The following AUH variants were observed in gnomAD, a reference collection of about 807,000 sequenced individuals.
AUH encodes the protein AU RNA binding methylglutaconyl-CoA hydratase, also known as methylglutaconyl-CoA hydratase, mitochondrial.
AUH carries 29 observed loss-of-function variants against 42.3 expected under a neutral mutation model. The ratio of observed to expected loss-of-function variants is 0.69; its 90% confidence interval spans 0.51 to 0.93. The LOEUF (loss-of-function observed/expected upper bound fraction) is 0.93. Among genes scored for constraint, AUH ranks in the 40% least tolerant of loss-of-function variants. AUH has a pLI of 0.00. For missense variants in AUH, 452 were observed against 438.1 expected (o/e 1.03, Z -0.28); for synonymous variants, 174 against 166.4 (o/e 1.05, Z -0.35).
chr9:91,261,388 T>A (rs1441097918), intron 6 of AUH, among the ~76,000 whole-genome samples: 1 of 152,212 alleles, frequency 6.6e-6, no homozygotes, highest in East Asian at 1.9e-4. Context: ...GGTTTCTACT[T>A]TCTTCAGGGT....
At chr9:91,220,565 G>A (rs1827072102) in intron 7 of AUH, among the ~76,000 whole-genome samples, 1 of 152,118 alleles carries the variant, frequency 6.6e-6, no homozygotes. Flanking sequence ...ATTGTCAAGG[G>A]ATATTTTATC....
At position 91,313,870 on chromosome 9, in the gene AUH, T is replaced by C. The variant is rs1828927778; in HGVS notation, c.505+11448A>G. Among the ~76,000 whole-genome samples, 3 of 149,444 alleles carry C rather than the reference T, an allele frequency of 2.0e-5. 1 individual carries two copies. The highest frequency in any genetic ancestry group is 2.0e-4 in the Admixed American group (3 of 15,044). On this transcript the variant is annotated intron_variant, in intron 4 of 9. Transcript: ENST00000375731. ...CGAGTTTCACTCTTGTCGCCCAGGCTGGAGTGCAAATGGCACGATCTCGGC... is the reference window on the plus strand; with the variant it reads ...CGAGTTTCACTCTTGTCGCCCAGGCCGGAGTGCAAATGGCACGATCTCGGC...
intron 3 of AUH, among the ~76,000 whole-genome samples, chr9:91,344,159 T>C (rs565685048): frequency 3.3e-5 from 5 of 152,308 alleles, no homozygotes; most frequent in African/African-American, 1.2e-4. Flanking sequence ...TACAATCTAT[T>C]TTCTCTGAAG....
chr9:91,318,666 G>C (rs1829342326), intron 4 of AUH, among the ~76,000 whole-genome samples: 1 of 152,238 alleles, frequency 6.6e-6, no homozygotes, highest in South Asian at 2.1e-4. Flanking sequence ...GACTGCGACT[G>C]ATTTGGCATG....
chr9:91,351,787 G>A (rs1341549873), intron 3 of AUH, among the ~76,000 whole-genome samples: 10 of 152,160 alleles, frequency 6.6e-5, no homozygotes, highest in African/African-American at 2.4e-5. Flanking sequence ...TCAGGCCAAG[G>A]TGGCCTGATG....
chr9:91,361,794 C>T lies in AUH; in HGVS notation c.96G>A (p.Pro32=), dbSNP rs752864812. 4.0e-5 allele frequency: 62 copies of T among 1,538,806 alleles called. No homozygotes were observed. Among genetic ancestry groups the T allele is most frequent in the Non-Finnish European group, 5.3e-5 (61 of 1,144,886 alleles). The change falls in exon 1 of 10, where the codon CCG becomes CCA. Residue 32 remains proline (P), a synonymous_variant. Transcript: ENST00000375731. ...CCAACGAGCCGGGCAGCCTCAACCC[C>T]GGGCAGAGCCACGCACTGCAAGCGG... ...LVAACSAWLC[P]GLRLPGSLAG... is the part of the protein sequence containing the mutation.
chr9:91,224,632 G>A (rs748570728), intron 6 of AUH, among the ~76,000 whole-genome samples: 3 of 152,210 alleles, frequency 2.0e-5, no homozygotes, highest in African/African-American at 4.8e-5. Flanking sequence ...TTTGCATAGG[G>A]TATAAAGTAT....
At chr9:91,327,255 G>A (rs111938492) in intron 3 of AUH, among the ~76,000 whole-genome samples, 41 of 152,230 alleles carry the variant, frequency 2.7e-4, no homozygotes, top group Non-Finnish European at 5.0e-4. Flanking sequence ...CAGCAGACAG[G>A]GATGTGTCCC....
At chr9:91,325,571 GAATA>G (rs1829912713) in intron 3 of AUH, among the ~76,000 whole-genome samples, 167 bp from the exon 4 acceptor site, 1 of 152,108 alleles carries the variant, frequency 6.6e-6, no homozygotes, top group Non-Finnish European at 1.5e-5. Context: ...TGTTCAACAA[GAATA>G]AAGTATTTGT....
At chr9:91,241,583 A>AATGAACATGAATACATAAGCC (rs1828522751) in intron 6 of AUH, among the ~76,000 whole-genome samples, 1 of 152,124 alleles carries the variant, frequency 6.6e-6, no homozygotes, top group African/African-American at 2.4e-5. Flanking sequence ...ACTTGTGTCA[A>AATGAACATGAATACATAAGCC]ATGAACATGA....
chr9:91,299,182 G>C (rs1438392000), intron 4 of AUH, among the ~76,000 whole-genome samples: 1 of 152,134 alleles, frequency 6.6e-6, no homozygotes, highest in East Asian at 1.9e-4. Flanking sequence ...TCGTGCCATT[G>C]CACTCCAGCC....
chr9:91,322,424 G>A (rs1452690831), intron 4 of AUH, among the ~76,000 whole-genome samples: 2 of 152,190 alleles, frequency 1.3e-5, no homozygotes, highest in Non-Finnish European at 2.9e-5. Flanking sequence ...ATAAACATGA[G>A]GCTGAAGCTG....
chr9:91,331,435 T>G (rs1467247462), intron 3 of AUH, among the ~76,000 whole-genome samples: 1 of 152,248 alleles, frequency 6.6e-6, no homozygotes, highest in East Asian at 1.9e-4. Context: ...GTATTTCAAG[T>G]GTATCTAATA....
intron 6 of AUH, among the ~76,000 whole-genome samples, chr9:91,271,300 G>A (rs1176840193): frequency 1.3e-5 from 2 of 152,220 alleles, no homozygotes; most frequent in Admixed American, 1.3e-4. Flanking sequence ...GGTGGTATGT[G>A]CATTTGCTTG....
chr9:91,242,319 C>G (rs2131344869), intron 6 of AUH, among the ~76,000 whole-genome samples: 1 of 152,330 alleles, frequency 6.6e-6, no homozygotes. Context: ...GCAGCACACA[C>G]TGTAAGGAGC....
intron 6 of AUH, among the ~76,000 whole-genome samples, chr9:91,221,784 G>T (rs575322637): frequency 6.6e-6 from 1 of 152,326 alleles, no homozygotes; most frequent in East Asian, 1.9e-4. Context: ...TACAGCAAAA[G>T]ATGCTTATTT....
intron 6 of AUH, among the ~76,000 whole-genome samples, chr9:91,287,467 G>T (rs1288434620): frequency 6.6e-6 from 1 of 152,114 alleles, no homozygotes; most frequent in Non-Finnish European, 1.5e-5. Context: ...CTACAGATTA[G>T]TTAGTAATAA....
chr9:91,297,856 C>T (rs1827472599), intron 5 of AUH, 128 bp downstream of exon 5: 1 of 813,646 alleles, frequency 1.2e-6, no homozygotes, highest in African/African-American at 1.7e-5. Context: ...ACCATTAGGA[C>T]CAACAAGTGA....
At chr9:91,345,762 G>A (rs914768976) in intron 3 of AUH, among the ~76,000 whole-genome samples, 5 of 151,580 alleles carry the variant, frequency 3.3e-5, no homozygotes, top group African/African-American at 9.7e-5. Flanking sequence ...GAACCCAAGA[G>A]GTGGAGCTTG....
Sources: allele counts gnomAD v4.1 joint callset (sites outside exome capture counted in the v4.1 genomes callset), GRCh38; gene constraint gnomAD v4.1.1; transcripts MANE v1.5; gene names NCBI Gene and HGNC (gene_info 2026-07-23, HGNC 2026-07-21).